Variants in TANGO6 observed in about 807,000 individuals in gnomAD.
TANGO6 encodes transport and golgi organization 6 homolog.
Under a neutral mutation model 114.2 loss-of-function variants are expected in TANGO6, and 90 were observed. The observed-to-expected ratio is 0.79, with a 90% CI of 0.66 to 0.94. The LOEUF (loss-of-function observed/expected upper bound fraction) is 0.94. TANGO6 is among the 40% of genes least tolerant of loss of function. The pLI is 0.00. For missense variants in TANGO6, 1,274 were observed against 1,315.3 expected, an observed-to-expected ratio of 0.97 and a Z score of 0.49; for synonymous variants, 477 against 509.8, an observed-to-expected ratio of 0.94 and a Z score of 0.87.
intron 9 of TANGO6, among the ~76,000 whole-genome samples, chr16:68,904,613 C>T (rs28501314): frequency 0.63 from 95,049 of 151,944 alleles, 31,696 homozygotes; most frequent in African/African-American, 0.88. Flanking sequence ...TTTTTCTCAA[C>T]TTAGTCTGAA....
chr16:68,880,426 A>C, intron 6 of TANGO6, 122 bp from the exon 7 acceptor site: 1 of 593,476 alleles, frequency 1.7e-6, no homozygotes, highest in Admixed American at 3.1e-5. Flanking sequence ...AATGATAACC[A>C]TTTTCTGATC....
chr16:68,993,726 T>G (rs115604245), intron 15 of TANGO6, among the ~76,000 whole-genome samples: 3,847 of 152,292 alleles, frequency 0.025, 169 homozygotes, highest in African/African-American at 0.088. Context: ...CTAATTAAAT[T>G]AATTAAATCA....
chr16:68,992,035 A>T (rs1963950476), intron 15 of TANGO6, among the ~76,000 whole-genome samples: 1 of 152,156 alleles, frequency 6.6e-6, no homozygotes, highest in Admixed American at 6.5e-5. Flanking sequence ...ACGGGGTTAT[A>T]ATCCACCCAG....
Position 68,875,178 on chromosome 16 carries a change from C to G in TANGO6, c.1019C>G (p.Ala340Gly). 1 of 1,612,838 alleles carries G rather than the reference C, an allele frequency of 6.2e-7. No homozygotes were observed. The highest frequency in any genetic ancestry group is 8.5e-7 in the Non-Finnish European group (1 of 1,179,120). ...AGAGAAGGSD[A>G]EVTAADWKKC... ...GCGGGAGCAGCTGGTGGAAGTGATG[C>G]TGAGGTGACGGCTGCTGACTGGAAG... is the stretch of plus-strand genomic sequence containing the variant. The change falls in exon 5 of 18, where the codon GCT (alanine) becomes GGT (glycine). Residue 340 changes from alanine to glycine, a missense_variant. Ala to Gly is a moderately conservative substitution (Grantham distance 60, BLOSUM62 0). This residue lies in a region of TANGO6 where 908 missense variants were observed against 910.2 expected (regional missense o/e 1.00). Coordinates refer to ENST00000261778, the MANE Select transcript of TANGO6 (RefSeq NM_024562.2).
intron 15 of TANGO6, among the ~76,000 whole-genome samples, chr16:69,021,398 C>T (rs923953082): frequency 6.6e-6 from 1 of 152,150 alleles, no homozygotes. Flanking sequence ...TGAAGCCTAC[C>T]TTTACCACCT....
In TANGO6 at chr16:68,867,133, C is replaced by T. The variant is rs370064289; in HGVS notation, c.907C>T (p.Arg303Cys). ...MRCRAPAWLR[R>C]LCGQLLSERL... ...GTGTCGGGCCCCAGCTTGGCTTCGG[C>T]GTCTATGTGGACAGCTGCTCTCTGA... The change falls in exon 4 of 18, where the codon CGT becomes TGT. Residue 303 changes from arginine to cysteine, a missense_variant. Physicochemically the swap from Arg to Cys is radical, Grantham distance 180 (BLOSUM62 -3). Transcript: ENST00000261778. 2.2e-5 allele frequency: 36 copies of T among 1,613,828 alleles called. No homozygotes were observed. Among genetic ancestry groups the T allele is most frequent in the African/African-American group, 1.2e-4 (9 of 75,002 alleles).
At chr16:68,943,803 A>G (rs1963384313) in intron 14 of TANGO6, among the ~76,000 whole-genome samples, 1 of 152,190 alleles carries the variant, frequency 6.6e-6, no homozygotes, top group African/African-American at 2.4e-5. Context: ...TGCTTTTAAG[A>G]AACAGCACGA....
intron 15 of TANGO6, among the ~76,000 whole-genome samples, chr16:68,998,390 T>G (rs1033807101): frequency 4.6e-5 from 7 of 152,178 alleles, no homozygotes; most frequent in Admixed American, 3.3e-4. Context: ...ATCATAATTT[T>G]TCTCTCTCCA....
chr16:69,007,554 TG>T, intron 15 of TANGO6, among the ~76,000 whole-genome samples: 1 of 152,256 alleles, frequency 6.6e-6, no homozygotes, highest in East Asian at 1.9e-4. Flanking sequence ...AGTGAGCCAC[TG>T]TGCCCGGCCT....
Position 68,872,200 on chromosome 16 carries a change from G to A in TANGO6, c.995-2954G>A, listed in dbSNP as rs577193651. Reference sequence around the variant, plus strand: ...CTCGCCACTGCACTTCAGCCTGGGCGATAGGGTGAGACTCTTGTCTCAAAA... The same window carrying A: ...CTCGCCACTGCACTTCAGCCTGGGCAATAGGGTGAGACTCTTGTCTCAAAA... On this transcript the variant is annotated intron_variant, in intron 4 of 17. Transcript: ENST00000261778. Among the ~76,000 whole-genome samples, 46 of 151,688 alleles carry A rather than the reference G, an allele frequency of 3.0e-4. 1 individual carries two copies. The South Asian group carries it at 9.2e-3, about 30-fold the overall frequency.
chr16:69,071,927 G>A (rs375332835), intron 17 of TANGO6, among the ~76,000 whole-genome samples: 64 of 152,206 alleles, frequency 4.2e-4, no homozygotes, highest in African/African-American at 9.4e-4. Flanking sequence ...TCTGAGCCAC[G>A]TCTAACCCTA....
In TANGO6 at chr16:69,043,180, C is replaced by T. The variant is rs779920002; in HGVS notation, c.3108+2759C>T. On this transcript the variant is annotated intron_variant, in intron 17 of 17. Coordinates refer to ENST00000261778, the MANE Select transcript of TANGO6 (RefSeq NM_024562.2). ...GGCGGAGGTTGCAGTGAGCCAAGAT[C>T]GCGCCACTGCACTTCAGTCTGGGCG... 6.6e-5 allele frequency among the ~76,000 whole-genome samples: 10 copies of T among 152,178 alleles called. No homozygotes were observed. The South Asian group carries it at 1.5e-3, about 22-fold the overall frequency.
intron 17 of TANGO6, among the ~76,000 whole-genome samples, chr16:69,057,420 G>A (rs900522753): frequency 6.6e-6 from 1 of 151,158 alleles, no homozygotes; most frequent in Non-Finnish European, 1.5e-5. Context: ...TTTTATTTAC[G>A]GCCAGCTTCC....
At chr16:69,045,049 C>T (rs12929269) in intron 17 of TANGO6, among the ~76,000 whole-genome samples, 51,761 of 150,826 alleles carry the variant, frequency 0.34, 10,404 homozygotes, top group East Asian at 0.52. Context: ...AATCCCAGTT[C>T]GGGAGGCCAA....
intron 14 of TANGO6, among the ~76,000 whole-genome samples, chr16:68,970,562 G>A (rs1463742587): frequency 2.0e-5 from 3 of 151,718 alleles, no homozygotes; most frequent in African/African-American, 4.8e-5. Flanking sequence ...AGCTACTCAG[G>A]AGGCTGAGGC....
In TANGO6 at chr16:68,876,322, C is replaced by G. The variant is rs572038354; in HGVS notation, c.1131+1032C>G. Among the ~76,000 whole-genome samples the G allele has an allele frequency of 1.3e-4, 20 of 151,988 alleles. 1 individual carries two copies. Among genetic ancestry groups the G allele is most frequent in the African/African-American group, 4.6e-4 (19 of 41,508 alleles). On this transcript the variant is annotated intron_variant, in intron 5 of 17. Transcript: ENST00000261778. ...GATTACAGGCATGCGCCACCACACC[C>G]GGCTAATTTTGTATTTTTGGTAGAG...
rs1961897526 is a variant in TANGO6 at position 68,851,210 on chromosome 16, A to AG, written c.94+7500dup. 2.6e-5 allele frequency among the ~76,000 whole-genome samples: 4 copies of AG among 152,046 alleles called. No individual in the cohort carries two copies. The South Asian group carries it at 8.3e-4, about 32-fold the overall frequency. On this transcript the variant is annotated intron_variant, in intron 1 of 17. Coordinates refer to ENST00000261778, the MANE Select transcript of TANGO6 (RefSeq NM_024562.2). ...AGTCTCGCTCTGTCTCCCAGGCTGG[A>AG]GTGCAGTGGCGCAATCTCGGCTCAC...
chr16:69,070,194 C>T (rs566979146), intron 17 of TANGO6, among the ~76,000 whole-genome samples: 3 of 150,286 alleles, frequency 2.0e-5, no homozygotes, highest in East Asian at 2.0e-4. Flanking sequence ...GGCGATAGAG[C>T]GAGACTCCTT....
chr16:68,975,450 G>A (rs954941541), intron 15 of TANGO6, among the ~76,000 whole-genome samples: 1 of 151,998 alleles, frequency 6.6e-6, no homozygotes, highest in African/African-American at 2.4e-5. Flanking sequence ...CAAACTCGTG[G>A]ACTCAAGCAA....
Sources: allele counts gnomAD v4.1 joint callset (sites outside exome capture counted in the v4.1 genomes callset), GRCh38; gene constraint gnomAD v4.1.1; regional missense constraint gnomAD v4.1.1; transcripts MANE v1.5; gene names NCBI Gene and HGNC (gene_info 2026-07-23, HGNC 2026-07-21).